The following RFC3 variants were observed in gnomAD, a reference collection of about 807,000 sequenced individuals.
The protein encoded by RFC3 is replication factor C subunit 3, also known as A1 38 kDa subunit.
A neutral mutation model predicts 45.1 loss-of-function variants in RFC3; 41 were observed. The observed-to-expected ratio is 0.91, with a 90% confidence interval of 0.71 to 1.18. The LOEUF (loss-of-function observed/expected upper bound fraction) is 1.18, where lower values mean the gene tolerates loss of function less well. Ranked by LOEUF, RFC3 falls within the 50% of genes most tolerant of loss-of-function variation. RFC3 has a pLI of 0.00. For synonymous variants in RFC3, 149 were observed against 144.0 expected, an observed-to-expected ratio of 1.03 and a Z score of -0.25; for missense variants, 423 against 428.1, an observed-to-expected ratio of 0.99 and a Z score of 0.10.
intron 8 of RFC3, among the ~76,000 whole-genome samples, chr13:33,909,315 G>A (rs1326120951): frequency 1.3e-5 from 2 of 151,940 alleles, no homozygotes. Context: ...GAGGTAATGA[G>A]AGGCCACCCT....
intron 8 of RFC3, 59 bp downstream of exon 8, chr13:33,835,276 T>TGATC (rs764492227): frequency 9.7e-7 from 1 of 1,034,606 alleles, no homozygotes; most frequent in Admixed American, 1.7e-5. Context: ...GCTGGGTGTG[T>TGATC]GATCATAGGG....
chr13:33,862,074 T>A (rs559461995), intron 8 of RFC3, among the ~76,000 whole-genome samples: 1 of 152,240 alleles, frequency 6.6e-6, no homozygotes, highest in Non-Finnish European at 1.5e-5. Flanking sequence ...TTTAGTTCTA[T>A]ACGTCTCACC....
In RFC3 at chr13:33,818,157, G is replaced by T; in HGVS notation, c.-22G>T. 3 of 1,603,982 alleles carry T rather than the reference G, an allele frequency of 1.9e-6. No homozygotes were observed. Among genetic ancestry groups the T allele is most frequent in the Non-Finnish European group, 2.6e-6 (3 of 1,173,112 alleles). On this transcript the variant is annotated 5_prime_UTR_variant, in exon 1 of 9. Coordinates refer to ENST00000380071, the MANE Select transcript of RFC3 (RefSeq NM_002915.4). Reference sequence around the variant, plus strand: ...GCTCGCGCGGGATTTTCAAGCGTAGGCCCCCGGGAACTCGAGCTGCCATGA... The same window carrying T: ...GCTCGCGCGGGATTTTCAAGCGTAGTCCCCCGGGAACTCGAGCTGCCATGA...
chr13:33,875,614 C>G (rs773320244), intron 8 of RFC3, among the ~76,000 whole-genome samples: 2 of 152,196 alleles, frequency 1.3e-5, no homozygotes, highest in African/African-American at 4.8e-5. Flanking sequence ...AGTCCTCTTT[C>G]ACTCACTTGC....
chr13:33,953,019 G>C (rs962528007), intron 8 of RFC3, among the ~76,000 whole-genome samples: 3 of 152,154 alleles, frequency 2.0e-5, no homozygotes, highest in African/African-American at 7.2e-5. Context: ...TTCTTTGACT[G>C]TGTAGAATAA....
chr13:33,912,170 A>G (rs2082707283), intron 8 of RFC3, among the ~76,000 whole-genome samples: 1 of 152,086 alleles, frequency 6.6e-6, no homozygotes, highest in African/African-American at 2.4e-5. Flanking sequence ...GTCCAAATCT[A>G]GATATACTGT....
At chr13:33,895,564 A>G (rs1338197435) in intron 8 of RFC3, among the ~76,000 whole-genome samples, 3 of 152,208 alleles carry the variant, frequency 2.0e-5, no homozygotes, top group South Asian at 2.1e-4. Context: ...TGTAACCTCT[A>G]TGGAAAACAG....
Position 33,953,438 on chromosome 13 carries a change from G to A in RFC3, c.880-12649G>A, listed in dbSNP as rs556764409. 2.5e-4 allele frequency among the ~76,000 whole-genome samples: 38 copies of A among 151,640 alleles called. 1 individual carries two copies. Among genetic ancestry groups the A allele is most frequent in the Middle Eastern group, 3.5e-3 (1 of 288 alleles). On this transcript the variant is annotated intron_variant, in intron 8 of 8. Coordinates refer to the RFC3 transcript ENST00000434425. ...GTTGTGGTTGAAATTGTTGCTCCTA[G>A]ATAATGAGAAAAGTTAAAGCCATCT...
At chr13:33,915,258 A>G (rs1206065695) in intron 8 of RFC3, among the ~76,000 whole-genome samples, 1 of 152,180 alleles carries the variant, frequency 6.6e-6, no homozygotes, top group East Asian at 1.9e-4. Flanking sequence ...TGCAGGAATT[A>G]TGATGCTGCC....
intron 8 of RFC3, among the ~76,000 whole-genome samples, chr13:33,881,867 T>G (rs528122228): frequency 6.6e-6 from 1 of 152,320 alleles, no homozygotes; most frequent in African/African-American, 2.4e-5. Flanking sequence ...AATGTTTATC[T>G]GCTCAAGCTA....
At chr13:33,827,186 G>A (rs1188255392) in intron 4 of RFC3, among the ~76,000 whole-genome samples, 2 of 152,178 alleles carry the variant, frequency 1.3e-5, no homozygotes, top group Non-Finnish European at 2.9e-5. Flanking sequence ...TGCTTTGGGA[G>A]GCTGAAGCAG....
chr13:33,961,088 A>G (rs1489442065), intron 8 of RFC3, among the ~76,000 whole-genome samples: 4 of 152,232 alleles, frequency 2.6e-5, no homozygotes, highest in Non-Finnish European at 5.9e-5. Context: ...ATTTATACTT[A>G]CAGTAAAACA....
rs1420255609 is a variant in RFC3 at position 33,893,775 on chromosome 13, A to G, written c.879+58558A>G. ...GAGGCTCTCAACAGCAGAATGGATC[A>G]AGCAGAAGAAAGAATCAGTCACCTC... On this transcript the variant is annotated intron_variant, in intron 8 of 8. Coordinates refer to the RFC3 transcript ENST00000434425. Among the ~76,000 whole-genome samples the G allele has an allele frequency of 2.0e-5, 3 of 152,078 alleles. No individual in the cohort carries two copies. In the East Asian group the frequency reaches 5.8e-4, roughly 29 times the overall value.
intron 7 of RFC3, among the ~76,000 whole-genome samples, chr13:33,834,778 G>T (rs1157370731): frequency 6.6e-6 from 1 of 151,958 alleles, no homozygotes; most frequent in Admixed American, 6.6e-5. Context: ...AAATTCCATG[G>T]TGTGAATAAG....
At chr13:33,966,391 G>A (rs1453530625) in exon 9 of RFC3, 9 of 481,550 alleles carry the variant, frequency 1.9e-5, no homozygotes, top group Non-Finnish European at 3.4e-5. Context: ...ATGAACTCAT[G>A]TCTTTCTCAG....
At chr13:33,915,500 A>C (rs2082727347) in intron 8 of RFC3, among the ~76,000 whole-genome samples, 2 of 152,170 alleles carry the variant, frequency 1.3e-5, no homozygotes, top group South Asian at 4.1e-4. Flanking sequence ...TAATCAGAAT[A>C]TCCACTAGCA....
chr13:33,925,373 CAT>C lies in RFC3; in HGVS notation c.880-40710_880-40709del, dbSNP rs371865767. On this transcript the variant is annotated intron_variant, in intron 8 of 8. Transcript: ENST00000434425. ...ACATATATAGTGTACTATATACATA[CAT>C]ATAGTGTACTATATACATACATAGT... Among the ~76,000 whole-genome samples, 130 of 122,806 alleles carry C rather than the reference CAT, an allele frequency of 1.1e-3. 6 individuals carry two copies. The highest frequency in any genetic ancestry group is 4.8e-3 in the African/African-American group (117 of 24,256). 80.6% of individuals were successfully genotyped at this position (122,806 alleles called of 152,430 possible).
chr13:33,906,787 A>G (rs996301046), intron 8 of RFC3, among the ~76,000 whole-genome samples: 2 of 152,108 alleles, frequency 1.3e-5, no homozygotes, highest in African/African-American at 4.8e-5. Flanking sequence ...AAATGGTATT[A>G]AAATTTGTTC....
intron 8 of RFC3, among the ~76,000 whole-genome samples, chr13:33,889,770 G>T (rs749013467): frequency 1.3e-5 from 2 of 152,110 alleles, no homozygotes; most frequent in Non-Finnish European, 2.9e-5. Context: ...TGCTATGACA[G>T]CAACCTTTTT....
Sources: gnomAD v4.1 joint callset for allele counts (sites outside exome capture counted in the v4.1 genomes callset) on GRCh38, gnomAD v4.1.1 for gene constraint, MANE v1.5 for transcripts, NCBI Gene and HGNC (gene_info 2026-07-23, HGNC 2026-07-21) for gene names.